The following CUX1 variants were observed in gnomAD, a reference collection of about 807,000 sequenced individuals.
CUX1 encodes the protein cut like homeobox 1, also known as protein CASP.
In CUX1, 31 loss-of-function variants were observed where a neutral mutation model predicts 158.8. That is an observed-to-expected ratio of 0.20 (90% confidence interval 0.15 to 0.26). The LOEUF is 0.26. Among genes scored for constraint, CUX1 ranks in the 10% least tolerant of loss-of-function variants. The pLI is 1.00. For synonymous variants in CUX1, 879 were observed against 862.1 expected (o/e 1.02, Z -0.34); for missense variants, 1,589 against 2,014.6 (o/e 0.79, Z 4.04).
At chr7:102,030,211 C>T (rs1820563123) in intron 3 of CUX1, among the ~76,000 whole-genome samples, 1 of 152,136 alleles carries the variant, frequency 6.6e-6, no homozygotes, top group Non-Finnish European at 1.5e-5. Context: ...GGGGTTTCAT[C>T]ATACTGGTCA....
intron 3 of CUX1, among the ~76,000 whole-genome samples, chr7:102,048,732 G>C (rs979580917): frequency 6.6e-6 from 1 of 152,162 alleles, no homozygotes; most frequent in Non-Finnish European, 1.5e-5. Flanking sequence ...GAGAGGCTGA[G>C]GCAGGGGAAT....
rs538388962 is a variant in CUX1 at position 101,845,173 on chromosome 7, A to G, written c.30+27504A>G. ...CTCTCTCTCTCTTTTTGAAATGGAGATGGGGTCTCACTATGTTGCCCACTC... is the reference window on the plus strand; with the variant it reads ...CTCTCTCTCTCTTTTTGAAATGGAGGTGGGGTCTCACTATGTTGCCCACTC... On this transcript the variant is annotated intron_variant, in intron 1 of 23. Transcript: ENST00000292535. 2.0e-5 allele frequency among the ~76,000 whole-genome samples: 3 copies of G among 151,430 alleles called. 1 individual carries two copies. The South Asian group carries it at 6.3e-4, about 32-fold the overall frequency.
At chr7:101,874,561 A>G (rs1354418813) in intron 1 of CUX1, among the ~76,000 whole-genome samples, 1 of 152,190 alleles carries the variant, frequency 6.6e-6, no homozygotes, top group African/African-American at 2.4e-5. Context: ...TTGAATTCTC[A>G]GGACGTTTCT....
intron 6 of CUX1, among the ~76,000 whole-genome samples, chr7:102,107,413 G>A (rs1830470605): frequency 6.6e-6 from 1 of 151,900 alleles, no homozygotes; most frequent in African/African-American, 2.4e-5. Flanking sequence ...GGTGGCACAT[G>A]CCTGTAATCC....
chr7:102,052,428 C>T (rs1321177196), intron 3 of CUX1, among the ~76,000 whole-genome samples: 3 of 152,210 alleles, frequency 2.0e-5, no homozygotes, highest in Non-Finnish European at 2.9e-5. Flanking sequence ...ACCATGGTTT[C>T]GATATTCATC....
At chr7:102,051,654 C>CAAAAAAAAAAAAAAAAAAAAAAA (rs1299911064) in intron 3 of CUX1, among the ~76,000 whole-genome samples, 27 of 89,730 alleles carry the variant, frequency 3.0e-4, no homozygotes, top group African/African-American at 1.1e-3. Context: ...GACTCTGTCT[C>CAAAAAAAAAAAAAAAAAAAAAAA]AAAAAAAAAA....
chr7:102,269,962 G>A (rs1407632510), intron 14 of CUX1, among the ~76,000 whole-genome samples: 1 of 152,090 alleles, frequency 6.6e-6, no homozygotes, highest in Non-Finnish European at 1.5e-5. Flanking sequence ...TACCAGAACC[G>A]AGCCAGCCAG....
At chr7:102,137,381 A>G (rs1834024641) in intron 8 of CUX1, among the ~76,000 whole-genome samples, 1 of 152,090 alleles carries the variant, frequency 6.6e-6, no homozygotes, top group African/African-American at 2.4e-5. Context: ...CACACCTGTA[A>G]TCCCAGCGCT....
At position 101,869,724 on chromosome 7, in the gene CUX1, G is replaced by A. The variant is rs889399609; in HGVS notation, c.31-46391G>A. 1.3e-5 allele frequency among the ~76,000 whole-genome samples: 2 copies of A among 152,182 alleles called. No individual in the cohort carries two copies. The highest frequency in any genetic ancestry group is 6.5e-5 in the Admixed American group (1 of 15,284). On this transcript the variant is annotated intron_variant, in intron 1 of 23. Transcript: ENST00000292535. This position sits in a 1 kb window ranked among gnomAD's most constrained non-coding sequence, Gnocchi z 4.5. Reference sequence around the variant, plus strand: ...CACGTGCGAGCCACAGCAGGTGGGCGGGAGCTCACAGGCTGCAGAGGAAGC... The same window carrying A: ...CACGTGCGAGCCACAGCAGGTGGGCAGGAGCTCACAGGCTGCAGAGGAAGC...
At chr7:102,239,044 G>A (rs1201101299) in intron 22 of CUX1, among the ~76,000 whole-genome samples, 1 of 152,114 alleles carries the variant, frequency 6.6e-6, no homozygotes, top group Admixed American at 6.5e-5. Flanking sequence ...GTACCACCAC[G>A]CCCAGCTGAT....
intron 21 of CUX1, among the ~76,000 whole-genome samples, chr7:102,231,069 G>T (rs2132397695): frequency 7.6e-6 from 1 of 131,720 alleles, no homozygotes; most frequent in Admixed American, 8.8e-5. Flanking sequence ...TCGCTCTGTT[G>T]CCCAGGGTGG....
chr7:101,876,105 G>A (rs1799102552), intron 1 of CUX1, among the ~76,000 whole-genome samples: 1 of 152,108 alleles, frequency 6.6e-6, no homozygotes, highest in South Asian at 2.1e-4. Flanking sequence ...CAGCACTTTG[G>A]GAGGCCGAAG....
intron 6 of CUX1, among the ~76,000 whole-genome samples, chr7:102,106,339 C>T (rs922315591): frequency 3.4e-4 from 51 of 152,136 alleles, no homozygotes; most frequent in African/African-American, 1.1e-3. Context: ...CTGCCCGCCT[C>T]GGCCTCCCAA....
At chr7:102,128,327 C>T (rs967291155) in intron 8 of CUX1, among the ~76,000 whole-genome samples, 3 of 152,200 alleles carry the variant, frequency 2.0e-5, no homozygotes, top group Admixed American at 1.3e-4. Context: ...CTCAGAGACC[C>T]TGACTCTGGT....
At chr7:101,982,793 A>G (rs532408389) in intron 2 of CUX1, among the ~76,000 whole-genome samples, 19 of 151,990 alleles carry the variant, frequency 1.3e-4, no homozygotes, top group African/African-American at 4.1e-4. Flanking sequence ...ACATATGTAT[A>G]TATGTACCAT....
chr7:101,943,840 G>A (rs529556678), intron 2 of CUX1, among the ~76,000 whole-genome samples: 14 of 151,954 alleles, frequency 9.2e-5, no homozygotes, highest in South Asian at 6.3e-4. Context: ...GAATTAGGCC[G>A]AGTGCCATGG....
chr7:102,023,872 G>T (rs142231039), intron 2 of CUX1, among the ~76,000 whole-genome samples: 1 of 152,114 alleles, frequency 6.6e-6, no homozygotes, highest in Admixed American at 6.6e-5. Context: ...ACAAACACAC[G>T]TAGCTTTAAT....
At chr7:102,085,767 A>G (rs148176049) in intron 4 of CUX1, among the ~76,000 whole-genome samples, 15 of 152,240 alleles carry the variant, frequency 9.9e-5, no homozygotes, top group African/African-American at 3.6e-4. Flanking sequence ...TTTTCACTTT[A>G]AGGTTGCACT....
intron 1 of CUX1, among the ~76,000 whole-genome samples, chr7:101,827,570 T>G (rs978674693): frequency 7.2e-5 from 11 of 152,042 alleles, no homozygotes; most frequent in Admixed American, 6.6e-4. Flanking sequence ...CCCAGCCTCC[T>G]AAAGAGCTGA....
Sources: allele counts gnomAD v4.1 joint callset (sites outside exome capture counted in the v4.1 genomes callset), GRCh38; gene constraint gnomAD v4.1.1; non-coding constraint Gnocchi (gnomAD v3.1); transcripts MANE v1.5; gene names NCBI Gene and HGNC (gene_info 2026-07-23, HGNC 2026-07-21).